The following OTULIN variants were observed in gnomAD, a reference collection of about 807,000 sequenced individuals.
OTULIN encodes the protein ubiquitin thioesterase otulin.
In OTULIN, 15 loss-of-function variants were observed where a neutral mutation model predicts 39.6. The observed-to-expected ratio is 0.38, with a 90% CI of 0.25 to 0.58. OTULIN has a LOEUF of 0.58. OTULIN is among the 20% of genes least tolerant of loss of function. The pLI is 0.66. For missense variants in OTULIN, 319 were observed against 445.9 expected (o/e 0.72, Z 2.56); for synonymous variants, 156 against 170.3 (o/e 0.92, Z 0.65).
intron 5 of OTULIN, among the ~76,000 whole-genome samples, chr5:14,688,093 G>A (rs1258580746): frequency 1.3e-5 from 2 of 152,086 alleles, no homozygotes; most frequent in Non-Finnish European, 2.9e-5. Context: ...TTAGTAACTT[G>A]TCTTTAGAAA....
At chr5:14,702,990 T>G (rs1338669273), downstream of OTULIN, among the ~76,000 whole-genome samples, 2 of 152,154 alleles carry the variant, frequency 1.3e-5, no homozygotes, top group Admixed American at 1.3e-4. Flanking sequence ...ACCTCCGCCT[T>G]TGTGAACTGT....
intron 1 of OTULIN, among the ~76,000 whole-genome samples, chr5:14,668,512 T>C (rs1241685299): frequency 1.3e-5 from 2 of 152,224 alleles, no homozygotes; most frequent in African/African-American, 4.8e-5. Flanking sequence ...TGGTCTTTGC[T>C]TTTCCTGTGC....
the OTULIN span, chr5:14,713,018 C>A: frequency 6.4e-7 from 1 of 1,569,140 alleles, no homozygotes; most frequent in South Asian, 1.1e-5. This position sits in a 1 kb window ranked among gnomAD's most constrained non-coding sequence, Gnocchi z 4.4. Context: ...AAGGCCAAGT[C>A]AAGGCACAAC....
rs371865308 is a variant in OTULIN, at chr5:14,675,981, G to A, written c.229+2263G>A. Reference sequence around the variant, plus strand: ...TTGTCTGTGGTGGCTTTCGTGCATAGTAAAGTTGAGTAGCTGTGACAGAAA... The same window carrying A: ...TTGTCTGTGGTGGCTTTCGTGCATAATAAAGTTGAGTAGCTGTGACAGAAA... On this transcript the variant is annotated intron_variant, in intron 2 of 6. Transcript: ENST00000284274. Among the ~76,000 whole-genome samples the A allele has an allele frequency of 1.2e-4, 18 of 152,304 alleles. No individual in the cohort carries two copies. In the East Asian group the frequency reaches 3.5e-3, roughly 29 times the overall value.
At chr5:14,715,770 C>T in the OTULIN span, among the ~76,000 whole-genome samples, 2 of 152,202 alleles carry the variant, frequency 1.3e-5, no homozygotes, top group Admixed American at 1.3e-4. Flanking sequence ...AACCATTCTG[C>T]AACCTGCTTT....
rs1445225667 is a variant in OTULIN at position 14,693,860 on chromosome 5, T to G, written c.*812T>G. ...CAGCGCACTGGAGTCTGGGGCTTGG[T>G]GCAGGTGGTGCCCCATCAGTGTGGA... On this transcript the variant is annotated 3_prime_UTR_variant, in exon 7 of 7. Coordinates refer to ENST00000284274, the MANE Select transcript of OTULIN (RefSeq NM_138348.6). 2.6e-5 allele frequency: 4 copies of G among 152,284 alleles called. No homozygotes were observed. Among genetic ancestry groups the G allele is most frequent in the Admixed American group, 1.3e-4 (2 of 15,284 alleles). The allele number at this position is 152,284 out of a possible 1,614,324, so 9.4% of individuals were successfully genotyped here. A position where few individuals can be genotyped will look rare whatever the true frequency, so the allele number is the denominator to read the frequency against.
At position 14,695,204 on chromosome 5, in the gene OTULIN, G is replaced by T. The variant is rs1470846156; in HGVS notation, c.*2156G>T. 1.3e-5 allele frequency: 2 copies of T among 152,230 alleles called. No homozygotes were observed. Among genetic ancestry groups the T allele is most frequent in the Admixed American group, 1.3e-4 (2 of 15,284 alleles). 9.4% of individuals were successfully genotyped at this position (152,230 alleles called of 1,614,324 possible). ...GGTTTAGTGTGATCATGGCGTCAGA[G>T]AAGCAAAGCTTTCAAATAAATAGTA... On this transcript the variant is annotated 3_prime_UTR_variant, in exon 7 of 7. Transcript: ENST00000284274.
At chr5:14,668,457 C>A (rs912880446) in intron 1 of OTULIN, among the ~76,000 whole-genome samples, 1 of 152,192 alleles carries the variant, frequency 6.6e-6, no homozygotes, top group Non-Finnish European at 1.5e-5. Flanking sequence ...ATGTGTTGTT[C>A]ACCCATCTCT....
In OTULIN at chr5:14,695,265, A is replaced by G. The variant is rs1736636582; in HGVS notation, c.*2217A>G. ...TAGAAATGATTGACCAACTTTAAAAATAATTTTTTTTTAATTGCAATATGC... is the reference window on the plus strand; with the variant it reads ...TAGAAATGATTGACCAACTTTAAAAGTAATTTTTTTTTAATTGCAATATGC... On this transcript the variant is annotated 3_prime_UTR_variant, in exon 7 of 7. Coordinates refer to ENST00000284274, the MANE Select transcript of OTULIN (RefSeq NM_138348.6). 6.6e-6 allele frequency: 1 copy of G among 152,208 alleles called. No individual in the cohort carries two copies. The highest frequency in any genetic ancestry group is 2.4e-5 in the African/African-American group (1 of 41,434). 9.4% of individuals were successfully genotyped at this position (152,208 alleles called of 1,614,324 possible).
chr5:14,681,454 CT>C lies in OTULIN; in HGVS notation c.325-6del. 2.5e-6 allele frequency: 4 copies of C among 1,598,704 alleles called. No individual in the cohort carries two copies. The highest frequency in any genetic ancestry group is 4.5e-5 in the East Asian group (2 of 44,542). The stretch of plus-strand genomic sequence containing the variant: ...ACGACCATTTTGAATTCTTTCATAC[CT>C]TTTCCCAGGGCTATGAAGAGGTTTC... On this transcript the variant is annotated splice_polypyrimidine_tract_variant and intron_variant, in intron 3 of 6. Transcript: ENST00000284274.
In OTULIN at chr5:14,681,612, G is replaced by A. The variant is rs1466343593; in HGVS notation, c.468+5G>A. ...CAGGACCCGGAGCTCATGCTGGTACGCTGCTGCTGCAGGTTTGAGTCCAAA... is the reference window on the plus strand; with the variant it reads ...CAGGACCCGGAGCTCATGCTGGTACACTGCTGCTGCAGGTTTGAGTCCAAA... On this transcript the variant is annotated splice_donor_5th_base_variant and intron_variant, in intron 4 of 6. Coordinates refer to ENST00000284274, the MANE Select transcript of OTULIN (RefSeq NM_138348.6). 4 of 1,597,580 alleles carry A rather than the reference G, an allele frequency of 2.5e-6. No homozygotes were observed.
At chr5:14,712,419 G>A in the OTULIN span, among the ~76,000 whole-genome samples, 1 of 152,244 alleles carries the variant, frequency 6.6e-6, no homozygotes, top group Non-Finnish European at 1.5e-5. Context: ...CCTTGCGCAA[G>A]CTCTCGGACT....
At chr5:14,703,917 A>G (rs1341463824), downstream of OTULIN, among the ~76,000 whole-genome samples, 1 of 152,208 alleles carries the variant, frequency 6.6e-6, no homozygotes, top group African/African-American at 2.4e-5. Context: ...GCGAGTCTGT[A>G]GGATGCCTAG....
chr5:14,705,805 ACG>A, the OTULIN span: 1 of 152,578 alleles, frequency 6.6e-6, no homozygotes, highest in Admixed American at 6.5e-5. Flanking sequence ...CTCCTTTGTT[ACG>A]CAAGGGTGGT....
intron 4 of OTULIN, among the ~76,000 whole-genome samples, chr5:14,683,872 C>T (rs1318755201): frequency 6.6e-6 from 1 of 151,916 alleles, no homozygotes; most frequent in East Asian, 1.9e-4. Flanking sequence ...AATGTCTCCC[C>T]CCCTTTTTTT....
downstream of OTULIN, among the ~76,000 whole-genome samples, chr5:14,701,410 C>T (rs1473743081): frequency 6.6e-6 from 1 of 152,026 alleles, no homozygotes; most frequent in African/African-American, 2.4e-5. Context: ...GACTTTTGGA[C>T]CCCCTGCCCT....
chr5:14,678,978 A>G (rs905394295), intron 3 of OTULIN, among the ~76,000 whole-genome samples: 16 of 152,248 alleles, frequency 1.1e-4, no homozygotes, highest in African/African-American at 3.6e-4. Flanking sequence ...AATCAGCATC[A>G]GTTATTCAGT....
chr5:14,685,584 AT>A (rs1736366072), intron 4 of OTULIN, among the ~76,000 whole-genome samples: 1 of 152,038 alleles, frequency 6.6e-6, no homozygotes, highest in Non-Finnish European at 1.5e-5. Context: ...TGTCTTAAGG[AT>A]TTCTGCATTT....
downstream of OTULIN, among the ~76,000 whole-genome samples, chr5:14,704,290 AC>A (rs2126368525): frequency 7.7e-6 from 1 of 130,484 alleles, no homozygotes; most frequent in East Asian, 2.4e-4. Flanking sequence ...AGATTGCGCC[AC>A]TGCACTCCAG....
Sources: allele counts gnomAD v4.1 joint callset (sites outside exome capture counted in the v4.1 genomes callset), GRCh38; gene constraint gnomAD v4.1.1; non-coding constraint Gnocchi (gnomAD v3.1); transcripts MANE v1.5; gene names NCBI Gene and HGNC (gene_info 2026-07-23, HGNC 2026-07-21).